The following GNB4 variants were observed in gnomAD, a reference collection of about 807,000 sequenced individuals.
The protein encoded by GNB4 is G protein subunit beta 4, also known as guanine nucleotide-binding protein subunit beta-4.
Under a neutral mutation model 45.2 loss-of-function variants are expected in GNB4, and 28 were observed. The observed-to-expected ratio is 0.62, with a 90% CI of 0.46 to 0.85. The LOEUF (loss-of-function observed/expected upper bound fraction) is 0.85, where lower values mean the gene tolerates loss of function less well. GNB4 is among the 40% of genes least tolerant of loss of function. The pLI, the probability that GNB4 is intolerant of heterozygous loss-of-function variation, is 0.00. For synonymous variants in GNB4, 132 were observed against 143.7 expected (o/e 0.92, Z 0.58); for missense variants, 321 against 425.4 (o/e 0.75, Z 2.16).
At chr3:179,482,648 A>C in the GNB4 span, among the ~76,000 whole-genome samples, 2 of 152,174 alleles carry the variant, frequency 1.3e-5, no homozygotes, top group Non-Finnish European at 2.9e-5. Context: ...TGAAGGGTAG[A>C]GCCACCTCTA....
chr3:179,487,158 C>G, the GNB4 span, among the ~76,000 whole-genome samples: 3 of 152,124 alleles, frequency 2.0e-5, no homozygotes, highest in African/African-American at 4.8e-5. Context: ...TGTCTTTAGA[C>G]TTGGAAAGCA....
the GNB4 span, among the ~76,000 whole-genome samples, chr3:179,487,206 T>G: frequency 1.3e-5 from 2 of 152,216 alleles, no homozygotes; most frequent in Non-Finnish European, 2.9e-5. Context: ...CCTACCAGTG[T>G]TTAACAAAGA....
chr3:179,425,731 A>C lies in GNB4; in HGVS notation c.57+413T>G, dbSNP rs568992678. 2.6e-5 allele frequency among the ~76,000 whole-genome samples: 4 copies of C among 152,192 alleles called. No homozygotes were observed. In the East Asian group the frequency reaches 7.7e-4, roughly 29 times the overall value. ...GGTGATCCACCTGCCTCAGCCTCCC[A>C]AAGTGCTGGGATTACAGGCATGAGC... On this transcript the variant is annotated intron_variant, in intron 2 of 9. Coordinates refer to ENST00000232564, the MANE Select transcript of GNB4 (RefSeq NM_021629.4).
intron 9 of GNB4, among the ~76,000 whole-genome samples, chr3:179,404,590 G>T (rs925610825): frequency 2.0e-5 from 3 of 152,140 alleles, no homozygotes; most frequent in Non-Finnish European, 4.4e-5. Context: ...TTACTTTGGG[G>T]AGCAGAAACT....
the GNB4 span, among the ~76,000 whole-genome samples, chr3:179,467,961 C>A: frequency 6.7e-6 from 1 of 148,404 alleles, no homozygotes; most frequent in Non-Finnish European, 1.5e-5. Flanking sequence ...GAAGGACCCA[C>A]CCAAATGTAT....
At chr3:179,468,224 A>T in the GNB4 span, among the ~76,000 whole-genome samples, 1 of 151,188 alleles carries the variant, frequency 6.6e-6, no homozygotes, top group African/African-American at 2.4e-5. Context: ...GACCTGGCGC[A>T]GTGGCTCATG....
chr3:179,485,203 G>A, the GNB4 span, among the ~76,000 whole-genome samples: 2 of 151,732 alleles, frequency 1.3e-5, no homozygotes, highest in Non-Finnish European at 2.9e-5. Flanking sequence ...TAGTAGAGAC[G>A]GGGTTTCACC....
chr3:179,467,056 C>T, the GNB4 span, among the ~76,000 whole-genome samples: 22 of 152,298 alleles, frequency 1.4e-4, no homozygotes, highest in African/African-American at 4.8e-4. Context: ...AGCTGTCTCC[C>T]TGGCTGGAGT....
chr3:179,527,313 G>A, the GNB4 span, among the ~76,000 whole-genome samples: 1 of 152,232 alleles, frequency 6.6e-6, no homozygotes, highest in Non-Finnish European at 1.5e-5. Context: ...TGCAGACAGA[G>A]TGAAGCCAAA....
At chr3:179,424,901 C>T (rs1311537725) in intron 2 of GNB4, among the ~76,000 whole-genome samples, 1 of 152,204 alleles carries the variant, frequency 6.6e-6, no homozygotes, top group Non-Finnish European at 1.5e-5. Flanking sequence ...AGCCACTGCC[C>T]CCAGCCTACT....
chr3:179,520,638 C>A, the GNB4 span, among the ~76,000 whole-genome samples: 1,158 of 152,232 alleles, frequency 7.6e-3, 11 homozygotes, highest in African/African-American at 0.027. Flanking sequence ...TTTCTGCTCC[C>A]CGGCTCCTTC....
At position 179,399,005 on chromosome 3, in the gene GNB4, G is replaced by T. The variant is rs575441161; in HGVS notation, c.*2208C>A. The T allele has an allele frequency of 6.6e-6, 1 of 152,254 alleles. No homozygotes were observed. The highest frequency in any genetic ancestry group is 2.1e-4 in the South Asian group (1 of 4,828). The allele number at this position is 152,254 out of a possible 1,614,324, so 9.4% of individuals were successfully genotyped here. A position where few individuals can be genotyped will look rare whatever the true frequency, so the allele number is the denominator to read the frequency against. On this transcript the variant is annotated 3_prime_UTR_variant, in exon 10 of 10. Coordinates refer to ENST00000232564, the MANE Select transcript of GNB4 (RefSeq NM_021629.4). ...ACTATAATAACTTTTAAGTAGAGGA[G>T]ATACTCTCTTACATATTTAAGGTTA...
chr3:179,443,308 G>A (rs1715640251), intron 1 of GNB4, among the ~76,000 whole-genome samples: 1 of 152,324 alleles, frequency 6.6e-6, no homozygotes, highest in East Asian at 1.9e-4. Flanking sequence ...AGAGGCTGAG[G>A]CAGTTGGATC....
chr3:179,487,955 G>A, the GNB4 span, among the ~76,000 whole-genome samples: 6 of 151,980 alleles, frequency 3.9e-5, no homozygotes, highest in Admixed American at 1.3e-4. Context: ...GGAGGCTGAG[G>A]TGGGAGAATG....
chr3:179,397,853 A>C lies in GNB4; in HGVS notation c.*3360T>G, dbSNP rs1454023737. On this transcript the variant is annotated 3_prime_UTR_variant, in exon 10 of 10. Coordinates refer to ENST00000232564, the MANE Select transcript of GNB4 (RefSeq NM_021629.4). The stretch of plus-strand genomic sequence containing the variant: ...CTGAGTTCAAGTAATTCTCTGCCTC[A>C]GCCTCACGAGTAGCTGACAGGCGCC... 6.5e-6 allele frequency: 1 copy of C among 152,672 alleles called. No individual in the cohort carries two copies. The highest frequency in any genetic ancestry group is 2.4e-5 in the African/African-American group (1 of 41,448). The allele number at this position is 152,672 out of a possible 1,614,324, so 9.5% of individuals were successfully genotyped here.
chr3:179,499,612 T>C, the GNB4 span, among the ~76,000 whole-genome samples: 2 of 152,346 alleles, frequency 1.3e-5, no homozygotes, highest in Admixed American at 1.3e-4. Flanking sequence ...TACCCAGTAA[T>C]GGGATTGCTG....
chr3:179,473,688 A>G, the GNB4 span, among the ~76,000 whole-genome samples: 1 of 152,136 alleles, frequency 6.6e-6, no homozygotes, highest in East Asian at 1.9e-4. Context: ...CTGTTTCTCT[A>G]TTTTGAAAAC....
chr3:179,467,959 C>T, the GNB4 span, among the ~76,000 whole-genome samples: 2 of 149,120 alleles, frequency 1.3e-5, no homozygotes, highest in African/African-American at 5.0e-5. Flanking sequence ...AGGAAGGACC[C>T]ACCCAAATGT....
chr3:179,447,937 C>T (rs757086629), intron 1 of GNB4, among the ~76,000 whole-genome samples: 10 of 152,066 alleles, frequency 6.6e-5, no homozygotes, highest in Non-Finnish European at 1.2e-4. Flanking sequence ...TCAGAAAGAG[C>T]GGTGTCCCAG....
Sources: gnomAD v4.1 joint callset for allele counts (sites outside exome capture counted in the v4.1 genomes callset) on GRCh38, gnomAD v4.1.1 for gene constraint, MANE v1.5 for transcripts, NCBI Gene and HGNC (gene_info 2026-07-23, HGNC 2026-07-21) for gene names.